CACNA1C: variants seen among roughly 807,000 people sequenced by gnomAD.
CACNA1C encodes the protein calcium voltage-gated channel subunit alpha1 C.
In CACNA1C, 30 loss-of-function variants were observed where a neutral mutation model predicts 229.0. The ratio of observed to expected loss-of-function variants is 0.13; its 90% CI spans 0.10 to 0.18. The LOEUF (loss-of-function observed/expected upper bound fraction) is 0.18. Among genes scored for constraint, CACNA1C ranks in the 10% least tolerant of loss-of-function variants. The pLI is 1.00. For synonymous variants in CACNA1C, 1,114 were observed against 1,132.5 expected (o/e 0.98, Z 0.33); for missense variants, 1,658 against 2,845.0 (o/e 0.58, Z 9.49).
chr12:2,548,612 G>T (rs967504397), intron 9 of CACNA1C, among the ~76,000 whole-genome samples: 1 of 152,146 alleles, frequency 6.6e-6, no homozygotes, highest in African/African-American at 2.4e-5. Context: ...TATTAAAAAG[G>T]TCAGAGAGGT....
At chr12:2,565,844 ACAGT>A (rs1345059076) in intron 11 of CACNA1C, among the ~76,000 whole-genome samples, 2 of 152,254 alleles carry the variant, frequency 1.3e-5, no homozygotes, top group Admixed American at 6.5e-5. Flanking sequence ...TGTGGCACAC[ACAGT>A]CAGGGCCAAG....
chr12:2,061,632 G>T (rs1299433776), intron 1 of CACNA1C, among the ~76,000 whole-genome samples: 2 of 151,770 alleles, frequency 1.3e-5, no homozygotes, highest in African/African-American at 4.9e-5. Flanking sequence ...CTGCCATGCT[G>T]CTGTCCCCTC....
intron 1 of CACNA1C, among the ~76,000 whole-genome samples, chr12:2,105,786 C>A (rs67589562): frequency 3.6e-5 from 1 of 27,672 alleles, no homozygotes; most frequent in Non-Finnish European, 9.1e-5. Flanking sequence ...AGCCACTGGG[C>A]GCCCACCCCG....
intron 3 of CACNA1C, among the ~76,000 whole-genome samples, chr12:2,376,494 A>G (rs888880447): frequency 1.3e-5 from 2 of 152,082 alleles, no homozygotes; most frequent in Non-Finnish European, 1.5e-5. Flanking sequence ...AGCAAAGATG[A>G]GTGGGTGTTC....
intron 3 of CACNA1C, among the ~76,000 whole-genome samples, chr12:2,163,733 C>T (rs1309699394): frequency 6.6e-6 from 1 of 152,160 alleles, no homozygotes; most frequent in Admixed American, 6.5e-5. Flanking sequence ...TTTGCAGCGG[C>T]TCTGGCGGCT....
intron 3 of CACNA1C, among the ~76,000 whole-genome samples, chr12:2,190,491 A>G (rs73603790): frequency 0.04 from 6,062 of 152,280 alleles, 393 homozygotes; most frequent in African/African-American, 0.14. Context: ...GGGTTCCACT[A>G]GGCCCTGCCA....
chr12:2,368,419 C>G lies in CACNA1C; in HGVS notation c.478-80557C>G, dbSNP rs921692461. Reference sequence around the variant, plus strand: ...AAATAGTTAGCATTAATAAAAGGGCCCCAGAAACGTGACTGGATATGACAT... The same window carrying G: ...AAATAGTTAGCATTAATAAAAGGGCGCCAGAAACGTGACTGGATATGACAT... On this transcript the variant is annotated intron_variant, in intron 3 of 46. Transcript: ENST00000399655. Among the ~76,000 whole-genome samples the G allele has an allele frequency of 1.9e-4, 29 of 151,932 alleles. 1 individual carries two copies. Among genetic ancestry groups the G allele is most frequent in the Admixed American group, 1.9e-3 (29 of 15,258 alleles).
chr12:2,250,105 G>A (rs1349790628), intron 3 of CACNA1C, among the ~76,000 whole-genome samples: 1 of 151,772 alleles, frequency 6.6e-6, no homozygotes, highest in East Asian at 1.9e-4. Context: ...ACTGCACCCG[G>A]CCTGCCTTGC....
chr12:2,415,394 G>A (rs2098867393), intron 3 of CACNA1C, among the ~76,000 whole-genome samples: 3 of 152,254 alleles, frequency 2.0e-5, no homozygotes, highest in Middle Eastern at 3.4e-3. Flanking sequence ...TGGAGGCCGC[G>A]CAGCGCCCCT....
intron 39 of CACNA1C, chr12:2,676,560 A>G (rs2096827126): frequency 6.5e-6 from 1 of 154,876 alleles, no homozygotes; most frequent in Non-Finnish European, 1.4e-5. Flanking sequence ...CACCTGGCAC[A>G]AAAACTCAAT....
chr12:2,311,713 G>A (rs1488208660), intron 3 of CACNA1C, among the ~76,000 whole-genome samples: 2 of 152,140 alleles, frequency 1.3e-5, no homozygotes, highest in African/African-American at 4.8e-5. Context: ...ATTCATGGTG[G>A]GCCTGCAGAG....
chr12:2,553,198 GA>G (rs1259299997), intron 10 of CACNA1C, among the ~76,000 whole-genome samples: 2 of 152,316 alleles, frequency 1.3e-5, no homozygotes, highest in East Asian at 3.9e-4. Context: ...CTGGGAAAAA[GA>G]AGGGTCAGAC....
At chr12:2,545,814 C>T (rs548385650) in intron 9 of CACNA1C, among the ~76,000 whole-genome samples, 58 of 152,224 alleles carry the variant, frequency 3.8e-4, no homozygotes, top group African/African-American at 8.0e-4. Flanking sequence ...ATAGTGACCT[C>T]GCAGAGGCAC....
intron 3 of CACNA1C, among the ~76,000 whole-genome samples, chr12:2,375,863 C>T (rs893964013): frequency 2.6e-5 from 4 of 152,232 alleles, no homozygotes; most frequent in African/African-American, 7.2e-5. Context: ...AAGTGGAAGA[C>T]GTTGACCACA....
Position 2,486,254 on chromosome 12 carries a change from G to T in CACNA1C, c.908G>T (p.Gly303Val). 3 of 1,612,904 alleles carry T rather than the reference G, an allele frequency of 1.9e-6. No homozygotes were observed. Among genetic ancestry groups the T allele is most frequent in the South Asian group, 2.2e-5 (2 of 90,912 alleles). ...KMHKTCYNQE[G>V]IADVPAEDDP... ...CACAAGACCTGCTACAACCAGGAGG[G>T]CATAGCAGGTAAGAGGGGCAGGCGG... Residue 303 changes from glycine (G) to valine (V), a missense_variant, in exon 6 of 47, where the codon GGC (glycine) becomes GTC (valine). Physicochemically the swap from Gly to Val is moderately radical, Grantham distance 109 (BLOSUM62 -3). This residue lies in a region of CACNA1C where 84 missense variants were observed against 202.6 expected (regional missense o/e 0.41). Transcript: ENST00000399655. This position sits in a 1 kb window ranked among gnomAD's most constrained non-coding sequence, Gnocchi z 4.9.
At position 2,379,979 on chromosome 12, in the gene CACNA1C, C is replaced by T. The variant is rs551884553; in HGVS notation, c.478-68997C>T. 1.3e-3 allele frequency among the ~76,000 whole-genome samples: 190 copies of T among 143,088 alleles called. 1 individual carries two copies. Among genetic ancestry groups the T allele is most frequent in the Middle Eastern group, 3.5e-3 (1 of 282 alleles). 93.9% of individuals were successfully genotyped at this position (143,088 alleles called of 152,430 possible). On this transcript the variant is annotated intron_variant, in intron 3 of 46. Transcript: ENST00000399655. Reference sequence around the variant, plus strand: ...CCGGGAGGCGGAGCTTGCAGTGAGCCGAGATCCCGCCACTGCACTCCAGCC... The same window carrying T: ...CCGGGAGGCGGAGCTTGCAGTGAGCTGAGATCCCGCCACTGCACTCCAGCC...
At chr12:1,977,024 C>T (rs1413672239) in intron 1 of CACNA1C, among the ~76,000 whole-genome samples, 1 of 152,062 alleles carries the variant, frequency 6.6e-6, no homozygotes, top group African/African-American at 2.4e-5. Context: ...GGAAAACAAC[C>T]CTCAGTTATC....
At chr12:2,510,956 CA>C (rs2099782442) in intron 8 of CACNA1C, among the ~76,000 whole-genome samples, 1 of 152,170 alleles carries the variant, frequency 6.6e-6, no homozygotes. Context: ...GAGGGGATGG[CA>C]TCTCTCTATG....
intron 3 of CACNA1C, among the ~76,000 whole-genome samples, chr12:2,190,997 G>C (rs924145698): frequency 2.0e-5 from 3 of 152,296 alleles, no homozygotes; most frequent in Admixed American, 6.5e-5. Flanking sequence ...CTGGGACTCA[G>C]CCTGTGGCCC....
Sources: allele counts gnomAD v4.1 joint callset (sites outside exome capture counted in the v4.1 genomes callset), GRCh38; gene constraint gnomAD v4.1.1; regional missense constraint gnomAD v4.1.1; non-coding constraint Gnocchi (gnomAD v3.1); transcripts MANE v1.5; gene names NCBI Gene and HGNC (gene_info 2026-07-23, HGNC 2026-07-21).